CPED1: variants seen among roughly 807,000 people sequenced by gnomAD.
The protein encoded by CPED1 is cadherin-like and PC-esterase domain-containing protein 1.
CPED1 carries 114 observed loss-of-function variants against 128.2 expected under a neutral mutation model. The observed-to-expected ratio is 0.89, with a 90% CI of 0.76 to 1.04. The LOEUF is 1.04. CPED1 is among the 50% of genes least tolerant of loss of function. The pLI is 0.00. For synonymous variants in CPED1, 462 were observed against 426.7 expected (o/e 1.08, Z -1.02); for missense variants, 1,211 against 1,207.1 (o/e 1.00, Z -0.05).
chr7:121,202,341 G>A (rs549907928), intron 16 of CPED1, among the ~76,000 whole-genome samples: 1 of 152,242 alleles, frequency 6.6e-6, no homozygotes, highest in South Asian at 2.1e-4. Context: ...ACCAGTCATT[G>A]GAGACAGGAG....
chr7:121,237,690 C>T (rs1211445773), intron 17 of CPED1, among the ~76,000 whole-genome samples: 1 of 152,108 alleles, frequency 6.6e-6, no homozygotes, highest in Non-Finnish European at 1.5e-5. Flanking sequence ...CTCCTGACCC[C>T]AAGTCTCCCT....
At chr7:121,228,111 A>G (rs554071504) in intron 16 of CPED1, among the ~76,000 whole-genome samples, 1 of 152,212 alleles carries the variant, frequency 6.6e-6, no homozygotes, top group African/African-American at 2.4e-5. Context: ...TATGATTAAG[A>G]CTTCAAAATC....
chr7:121,017,258 G>C (rs908418360), intron 3 of CPED1, among the ~76,000 whole-genome samples: 2 of 152,064 alleles, frequency 1.3e-5, no homozygotes, highest in African/African-American at 2.4e-5. Context: ...TGAGCTTCTG[G>C]GAGCAAATGA....
rs567880867 is a variant in CPED1 at position 121,050,793 on chromosome 7, G to T, written c.540+3800G>T. 578 of 457,666 alleles carry T rather than the reference G, an allele frequency of 1.3e-3. 9 individuals are homozygous for T. The highest frequency in any genetic ancestry group is 8.8e-3 in the South Asian group (570 of 64,496). The allele number at this position is 457,666 out of a possible 1,614,324, so 28.4% of individuals were successfully genotyped here. A position where few individuals can be genotyped will look rare whatever the true frequency, so the allele number is the denominator to read the frequency against. On this transcript the variant is annotated intron_variant, in intron 4 of 22. Coordinates refer to ENST00000310396, the MANE Select transcript of CPED1 (RefSeq NM_024913.5). ...GTTGTCTTAAGTAGCTTTCTGGTGG[G>T]TCTCAGCAGCTCAGGCGGCGGGAGG... is the stretch of plus-strand genomic sequence containing the variant.
intron 4 of CPED1, among the ~76,000 whole-genome samples, chr7:121,056,931 C>T (rs1478102094): frequency 6.6e-6 from 1 of 152,052 alleles, no homozygotes; most frequent in Non-Finnish European, 1.5e-5. Context: ...CATTTCAAGT[C>T]CTCTCTTCTC....
intron 7 of CPED1, among the ~76,000 whole-genome samples, chr7:121,102,348 A>G (rs1794870351): frequency 6.6e-6 from 1 of 152,086 alleles, no homozygotes; most frequent in African/African-American, 2.4e-5. Context: ...TGCAGACATT[A>G]TTTATTCCAG....
intron 18 of CPED1, among the ~76,000 whole-genome samples, chr7:121,252,894 G>A (rs1798713072): frequency 6.6e-6 from 1 of 152,160 alleles, no homozygotes; most frequent in African/African-American, 2.4e-5. Flanking sequence ...CATTGTGGAA[G>A]TTGGTGTGGC....
chr7:121,167,023 T>A (rs1318145988), intron 16 of CPED1, among the ~76,000 whole-genome samples: 2 of 152,316 alleles, frequency 1.3e-5, no homozygotes, highest in Non-Finnish European at 2.9e-5. Flanking sequence ...CTGCCTTCGC[T>A]AATCATTCAG....
chr7:121,021,205 G>C (rs1259484795), intron 3 of CPED1, among the ~76,000 whole-genome samples: 1 of 151,902 alleles, frequency 6.6e-6, no homozygotes, highest in East Asian at 1.9e-4. Flanking sequence ...AAAAGATATA[G>C]TTAATAGAGC....
chr7:121,268,345 T>TC (rs1469556926), intron 21 of CPED1, among the ~76,000 whole-genome samples: 2 of 152,028 alleles, frequency 1.3e-5, no homozygotes, highest in African/African-American at 4.8e-5. Flanking sequence ...CAGTTCAGAA[T>TC]CAATTCATTT....
intron 16 of CPED1, among the ~76,000 whole-genome samples, chr7:121,181,633 A>G (rs1007512768): frequency 6.6e-6 from 1 of 152,102 alleles, no homozygotes; most frequent in African/African-American, 2.4e-5. Flanking sequence ...ACCTTGACTA[A>G]TATTAAAAGT....
At chr7:120,992,626 A>T (rs191964422) in intron 2 of CPED1, among the ~76,000 whole-genome samples, 84 of 152,318 alleles carry the variant, frequency 5.5e-4, no homozygotes, top group Non-Finnish European at 1.1e-3. Flanking sequence ...ATAGTTAAAG[A>T]CTTCAACTGA....
chr7:121,110,471 A>G (rs1408186983), intron 7 of CPED1, among the ~76,000 whole-genome samples: 6 of 152,160 alleles, frequency 3.9e-5, no homozygotes, highest in Non-Finnish European at 8.8e-5. Context: ...ATTGCCCTGA[A>G]TAGGTGATAT....
intron 7 of CPED1, among the ~76,000 whole-genome samples, chr7:121,100,525 T>G (rs1390085716): frequency 1.3e-5 from 2 of 152,188 alleles, no homozygotes; most frequent in African/African-American, 4.8e-5. Context: ...GAATATTTGC[T>G]GAGTGAAAAA....
Position 121,166,858 on chromosome 7 carries a change from A to T in CPED1, c.2055+24717A>T, listed in dbSNP as rs569417062. The stretch of plus-strand genomic sequence containing the variant: ...TGTTAACAGATCGTGAAAATCAGCA[A>T]CAACTGTTGTGCTGAGGATCATGAT... On this transcript the variant is annotated intron_variant, in intron 16 of 22. Transcript: ENST00000310396. 1.8e-4 allele frequency among the ~76,000 whole-genome samples: 27 copies of T among 152,302 alleles called. No individual in the cohort carries two copies. The East Asian group carries it at 4.8e-3, about 27-fold the overall frequency.
chr7:121,195,655 G>T (rs145028987), intron 16 of CPED1, among the ~76,000 whole-genome samples: 1 of 152,108 alleles, frequency 6.6e-6, no homozygotes, highest in African/African-American at 2.4e-5. Flanking sequence ...ACCACTAAGG[G>T]AATAGGGAAA....
chr7:121,292,648 G>A (rs903937029), intron 22 of CPED1, among the ~76,000 whole-genome samples: 1 of 152,048 alleles, frequency 6.6e-6, no homozygotes, highest in African/African-American at 2.4e-5. Context: ...CCTCATCTTC[G>A]TGGATTTACC....
intron 2 of CPED1, among the ~76,000 whole-genome samples, chr7:120,990,643 TA>T (rs971143781): frequency 6.6e-6 from 1 of 150,850 alleles, no homozygotes; most frequent in African/African-American, 2.4e-5. Flanking sequence ...CATGAAGAAA[TA>T]AAAAAAAATC....
chr7:120,996,869 C>T (rs571272587), intron 2 of CPED1, among the ~76,000 whole-genome samples: 9 of 152,314 alleles, frequency 5.9e-5, no homozygotes, highest in African/African-American at 2.2e-4. Context: ...GTGCACAGGT[C>T]CCATTAATAC....
Sources: allele counts gnomAD v4.1 joint callset (sites outside exome capture counted in the v4.1 genomes callset), GRCh38; gene constraint gnomAD v4.1.1; transcripts MANE v1.5; gene names NCBI Gene and HGNC (gene_info 2026-07-23, HGNC 2026-07-21).